RAD52: variants seen among roughly 807,000 people sequenced by gnomAD.
RAD52 encodes RAD52 DNA repair protein, also known as DNA repair protein RAD52 homolog.
A neutral mutation model predicts 55.5 loss-of-function variants in RAD52; 47 were observed. The ratio of observed to expected loss-of-function variants is 0.85; its 90% CI spans 0.67 to 1.08. The LOEUF is 1.08. RAD52 is among the 50% of genes least tolerant of loss of function. The pLI is 0.00. For synonymous variants in RAD52, 184 were observed against 198.9 expected, an observed-to-expected ratio of 0.92 and a Z score of 0.63; for missense variants, 468 against 522.8, an observed-to-expected ratio of 0.90 and a Z score of 1.02.
At chr12:939,097 A>G (rs1006125222) in intron 1 of RAD52, among the ~76,000 whole-genome samples, 5 of 93,302 alleles carry the variant, frequency 5.4e-5, no homozygotes, top group African/African-American at 1.2e-4. Flanking sequence ...GAGAGAGAGA[A>G]AAAGGCAAGT....
At chr12:960,453 T>C (rs1958667776) in intron 1 of RAD52, among the ~76,000 whole-genome samples, 1 of 152,068 alleles carries the variant, frequency 6.6e-6, no homozygotes, top group Admixed American at 6.6e-5. Context: ...AGGAGCAGGT[T>C]TAGAAGAAAT....
chr12:966,520 T>C (rs1187964828), intron 1 of RAD52, among the ~76,000 whole-genome samples: 1 of 152,104 alleles, frequency 6.6e-6, no homozygotes, highest in Non-Finnish European at 1.5e-5. Flanking sequence ...ATAACTTGTT[T>C]AAGCCGTTAC....
intron 1 of RAD52, among the ~76,000 whole-genome samples, chr12:982,782 C>T (rs950368134): frequency 6.6e-6 from 1 of 151,016 alleles, no homozygotes; most frequent in African/African-American, 2.4e-5. Context: ...CTTCCCACCT[C>T]AGCCCCACAC....
At chr12:962,769 A>G (rs765733756) in intron 1 of RAD52, among the ~76,000 whole-genome samples, 1 of 152,076 alleles carries the variant, frequency 6.6e-6, no homozygotes, top group Non-Finnish European at 1.5e-5. Flanking sequence ...GCTGGAGTGC[A>G]GTGGCATGAC....
intron 1 of RAD52, among the ~76,000 whole-genome samples, chr12:966,589 C>G (rs948370235): frequency 5.3e-5 from 8 of 150,088 alleles, no homozygotes; most frequent in Non-Finnish European, 8.9e-5. Flanking sequence ...TTTTTTTTTT[C>G]CATTCCTGAC....
At chr12:986,744 G>T (rs888030358) in intron 1 of RAD52, among the ~76,000 whole-genome samples, 15 of 143,096 alleles carry the variant, frequency 1.0e-4, no homozygotes, top group Non-Finnish European at 3.0e-5. Context: ...CATCTTCTAA[G>T]CTTTTTTTTT....
intron 1 of RAD52, among the ~76,000 whole-genome samples, chr12:960,896 G>C (rs2154120630): frequency 6.6e-6 from 1 of 152,192 alleles, no homozygotes; most frequent in South Asian, 2.1e-4. Flanking sequence ...AGAAGTCATT[G>C]GTACACAGAT....
intron 1 of RAD52, among the ~76,000 whole-genome samples, chr12:971,963 T>C (rs1401177884): frequency 1.3e-5 from 2 of 152,296 alleles, no homozygotes; most frequent in Admixed American, 6.5e-5. Flanking sequence ...TTAGCCAGGA[T>C]GGTCTCGATC....
At position 932,857 on chromosome 12, in the gene RAD52, TA is replaced by T. The variant is rs1565673283; in HGVS notation, c.84+117del. On this transcript the variant is annotated intron_variant, in intron 2 of 11. Coordinates refer to ENST00000358495, the MANE Select transcript of RAD52 (RefSeq NM_134424.4). Reference sequence around the variant, plus strand: ...ACGTACTAGGTACTGCTCACACACGTACTAGGTAAACGTACTAGGTACTGCT... The same window carrying T: ...ACGTACTAGGTACTGCTCACACACGTCTAGGTAAACGTACTAGGTACTGCT... 25 of 685,754 alleles carry T rather than the reference TA, an allele frequency of 3.6e-5. No homozygotes were observed. The Admixed American group carries it at 3.7e-4, about 10-fold the overall frequency. 42.5% of individuals were successfully genotyped at this position (685,754 alleles called of 1,614,324 possible). A position where few individuals can be genotyped will look rare whatever the true frequency, so the allele number is the denominator to read the frequency against.
chr12:924,236 C>A (rs994701914), intron 7 of RAD52, among the ~76,000 whole-genome samples: 1 of 151,776 alleles, frequency 6.6e-6, no homozygotes, highest in South Asian at 2.1e-4. Context: ...GGTGAAACCC[C>A]GTCTCTACTA....
In RAD52 at chr12:927,250, T is replaced by G; in HGVS notation, c.362A>C (p.His121Pro). Residue 121 changes from histidine to proline, a missense_variant, in exon 6 of 12, where the codon CAT becomes CCT. Transcript: ENST00000358495. ...VRVQLKDGSYHEDVGYGVSEG... is the reference protein window; with the variant it reads ...VRVQLKDGSYPEDVGYGVSEG... ...ACTAACACCATAACCAACATCTTCATGATATGAACCATCCTGGGGGCAGAA... is the reference window on the plus strand; with the variant it reads ...ACTAACACCATAACCAACATCTTCAGGATATGAACCATCCTGGGGGCAGAA... 1 of 1,613,428 alleles carries G rather than the reference T, an allele frequency of 6.2e-7. No individual in the cohort carries two copies.
intron 1 of RAD52, among the ~76,000 whole-genome samples, chr12:973,483 A>AT (rs879489657): frequency 2.0e-3 from 288 of 142,464 alleles, no homozygotes; most frequent in African/African-American, 6.5e-3. Flanking sequence ...ATCTGACAGG[A>AT]TTTTTTTTTT....
At chr12:955,715 G>A (rs11064614) in intron 1 of RAD52, among the ~76,000 whole-genome samples, 66,538 of 151,756 alleles carry the variant, frequency 0.44, 14,692 homozygotes, top group Admixed American at 0.47. Context: ...CTTGTGATCC[G>A]CCTGCCTCGG....
At chr12:982,211 C>A (rs559773011) in intron 1 of RAD52, among the ~76,000 whole-genome samples, 6 of 152,164 alleles carry the variant, frequency 3.9e-5, no homozygotes, top group Non-Finnish European at 7.4e-5. Flanking sequence ...TGTCCTGTGT[C>A]CCCTTTAGTC....
chr12:963,432 C>T (rs1218881318), intron 1 of RAD52, among the ~76,000 whole-genome samples: 2 of 152,060 alleles, frequency 1.3e-5, no homozygotes, highest in Non-Finnish European at 2.9e-5. Context: ...ACATGATAGA[C>T]ATGATAAGCA....
intron 1 of RAD52, among the ~76,000 whole-genome samples, chr12:986,745 CTTTT>C (rs373962428): frequency 1.5e-5 from 2 of 133,672 alleles, no homozygotes; most frequent in African/African-American, 2.7e-5. Context: ...ATCTTCTAAG[CTTTT>C]TTTTTTTTTT....
At chr12:929,909 G>A in intron 4 of RAD52, 23 bp from the exon 5 acceptor site, 1 of 1,606,886 alleles carries the variant, frequency 6.2e-7, no homozygotes, top group Non-Finnish European at 8.5e-7. Context: ...AAGAGAGCAA[G>A]TTGAAGAGGA....
At chr12:951,244 C>G (rs1958520890), upstream of RAD52, among the ~76,000 whole-genome samples, 1 of 152,144 alleles carries the variant, frequency 6.6e-6, no homozygotes, top group East Asian at 1.9e-4. Flanking sequence ...TCCCAGGTAG[C>G]TGGGACTACA....
intron 1 of RAD52, among the ~76,000 whole-genome samples, chr12:969,616 GTC>G (rs775131114): frequency 2.2e-4 from 34 of 151,388 alleles, no homozygotes; most frequent in Non-Finnish European, 4.1e-4. Flanking sequence ...GGGAGCCCCT[GTC>G]TCTACAAAAA....
Sources: allele counts gnomAD v4.1 joint callset (sites outside exome capture counted in the v4.1 genomes callset), GRCh38; gene constraint gnomAD v4.1.1; transcripts MANE v1.5; gene names NCBI Gene and HGNC (gene_info 2026-07-23, HGNC 2026-07-21).